CASP10: variants seen among roughly 807,000 people sequenced by gnomAD.
CASP10 encodes the protein caspase-10.
In CASP10, 41 loss-of-function variants were observed where a neutral mutation model predicts 48.5. The observed-to-expected ratio is 0.85, with a 90% CI of 0.66 to 1.10. The LOEUF (loss-of-function observed/expected upper bound fraction) is 1.10, where lower values mean the gene tolerates loss of function less well. CASP10 is among the 50% of genes least tolerant of loss of function. The probability of loss-of-function intolerance (pLI) is 0.00; values close to 1 mark genes in which losing one functional copy is unlikely to be tolerated. For missense variants in CASP10, 614 were observed against 614.5 expected, an observed-to-expected ratio of 1.00 and a Z score of 0.01; for synonymous variants, 232 against 238.4, an observed-to-expected ratio of 0.97 and a Z score of 0.25.
chr2:201,210,989 G>A (rs1052570023), intron 9 of CASP10, among the ~76,000 whole-genome samples: 3 of 151,994 alleles, frequency 2.0e-5, no homozygotes, highest in Admixed American at 2.0e-4. Context: ...ATATTTCAGG[G>A]TTATAATTTG....
At chr2:201,196,158 G>A in intron 5 of CASP10, 3 of 548,218 alleles carry the variant, frequency 5.5e-6, no homozygotes, top group South Asian at 4.2e-5. Context: ...GACACTAGCT[G>A]ACTAGTGAGA....
intron 5 of CASP10, among the ~76,000 whole-genome samples, chr2:201,199,597 C>CT (rs1198387635): frequency 1.1e-5 from 1 of 90,366 alleles, no homozygotes; most frequent in Non-Finnish European, 2.0e-5. Context: ...TTTTTTGAAA[C>CT]TGAGTCTCAC....
intron 9 of CASP10, chr2:201,228,901 G>T: frequency 1.2e-6 from 2 of 1,611,022 alleles, no homozygotes; most frequent in Non-Finnish European, 1.7e-6. Flanking sequence ...CTCAGTCAAA[G>T]TTCCCCTTTT....
In CASP10 at chr2:201,193,077, C is replaced by A; in HGVS notation, c.535C>A (p.Pro179Thr). The A allele has an allele frequency of 6.2e-7, 1 of 1,613,828 alleles. No individual in the cohort carries two copies. Among genetic ancestry groups the A allele is most frequent in the South Asian group, 1.1e-5 (1 of 91,072 alleles). ...GGAGGACCTCTGCAAAACAGTTGTA[C>A]CTAAACTTTTGAGAAACATAGAGAA... is the stretch of plus-strand genomic sequence containing the variant. ...CLEDLCKTVV[P>T]KLLRNIEKYK... The change falls in exon 4 of 10, where the codon CCT becomes ACT. Residue 179 changes from proline to threonine, a missense_variant. Transcript: ENST00000286186.
chr2:201,228,017 T>C (rs1945811032), intron 9 of CASP10, among the ~76,000 whole-genome samples: 1 of 152,112 alleles, frequency 6.6e-6, no homozygotes, highest in African/African-American at 2.4e-5. Context: ...AAGGCTGCTA[T>C]TTCACCATTT....
intron 5 of CASP10, among the ~76,000 whole-genome samples, chr2:201,198,200 G>GT: frequency 6.7e-6 from 1 of 149,966 alleles, no homozygotes; most frequent in Non-Finnish European, 1.5e-5. Context: ...TAATTCGGTT[G>GT]TTTGTAGAAG....
chr2:201,205,110 A>G (rs1351964587), intron 6 of CASP10, among the ~76,000 whole-genome samples: 1 of 152,154 alleles, frequency 6.6e-6, no homozygotes, highest in Non-Finnish European at 1.5e-5. Context: ...TCTCTCTGTG[A>G]TAGAGTCTTT....
In CASP10 at chr2:201,221,214, T is replaced by G. The variant is rs886055430; in HGVS notation, c.*3473T>G. The G allele has an allele frequency of 1.0e-6, 1 of 985,304 alleles. No homozygotes were observed. Among genetic ancestry groups the G allele is most frequent in the Non-Finnish European group, 1.2e-6 (1 of 829,938 alleles). The allele number at this position is 985,304 out of a possible 1,614,324, so 61.0% of individuals were successfully genotyped here. A position where few individuals can be genotyped will look rare whatever the true frequency, so the allele number is the denominator to read the frequency against. On this transcript the variant is annotated 3_prime_UTR_variant, in exon 10 of 10. Coordinates refer to ENST00000286186, the MANE Select transcript of CASP10 (RefSeq NM_032977.4). ...ACATACTCTGAGTAAGATCTAATTC[T>G]TCCCTCACTGGTTCGTGATGTCTAC...
rs6753900 is a variant in CASP10 at position 201,209,067 on chromosome 2, C to T, written c.923-3C>T. Reference sequence around the variant, plus strand: ...TTTTTTTTTTTTTTTTGTTTTTAAACAGAGATCCTGAGTCATGTGTTCCAG... The same window carrying T: ...TTTTTTTTTTTTTTTTGTTTTTAAATAGAGATCCTGAGTCATGTGTTCCAG... On this transcript the variant is annotated splice_region_variant and splice_polypyrimidine_tract_variant and intron_variant, in intron 8 of 9. Coordinates refer to ENST00000286186, the MANE Select transcript of CASP10 (RefSeq NM_032977.4). 0.012 allele frequency: 16,819 copies of T among 1,372,936 alleles called. 1,590 individuals carry two copies. The African/African-American group carries it at 0.22, about 18-fold the overall frequency. The allele number at this position is 1,372,936 out of a possible 1,614,324, so 85.0% of individuals were successfully genotyped here.
At chr2:201,208,824 G>T (rs779579830) in intron 8 of CASP10, among the ~76,000 whole-genome samples, 7 of 152,026 alleles carry the variant, frequency 4.6e-5, no homozygotes, top group Non-Finnish European at 8.8e-5. Flanking sequence ...GATTACAGGC[G>T]TGAGCCACCA....
intron 4 of CASP10, chr2:201,193,410 G>C: frequency 2.8e-6 from 1 of 357,110 alleles, no homozygotes; most frequent in East Asian, 7.2e-5. Flanking sequence ...GTTTCACTAT[G>C]TTGGCCAGGC....
At chr2:201,206,467 A>G (rs936591736) in intron 7 of CASP10, among the ~76,000 whole-genome samples, 8 of 150,030 alleles carry the variant, frequency 5.3e-5, no homozygotes, top group Non-Finnish European at 1.2e-4. Flanking sequence ...AATTTTAAAA[A>G]TTGAATATAC....
At chr2:201,206,481 C>T (rs1038858807) in intron 7 of CASP10, among the ~76,000 whole-genome samples, 2 of 148,622 alleles carry the variant, frequency 1.3e-5, no homozygotes, top group Non-Finnish European at 3.0e-5. Context: ...AATATACAGC[C>T]ATCTTTATAT....
At chr2:201,200,001 T>G in intron 5 of CASP10, among the ~76,000 whole-genome samples, 1 of 152,190 alleles carries the variant, frequency 6.6e-6, no homozygotes, top group South Asian at 2.1e-4. Context: ...TTCCTTATCT[T>G]TGGTACATGT....
At chr2:201,223,757 T>TC (rs1463897078), downstream of CASP10, among the ~76,000 whole-genome samples, 1 of 152,204 alleles carries the variant, frequency 6.6e-6, no homozygotes, top group African/African-American at 2.4e-5. Context: ...AACACATTTG[T>TC]ATCTTTGAAT....
Position 201,218,050 on chromosome 2 carries a change from A to G in CASP10, c.*309A>G, listed in dbSNP as rs1022228173. 2 of 744,282 alleles carry G rather than the reference A, an allele frequency of 2.7e-6. No individual in the cohort carries two copies. The highest frequency in any genetic ancestry group is 3.8e-6 in the Non-Finnish European group (2 of 532,096). The allele number at this position is 744,282 out of a possible 1,614,324, so 46.1% of individuals were successfully genotyped here. On this transcript the variant is annotated 3_prime_UTR_variant, in exon 10 of 10. Coordinates refer to ENST00000286186, the MANE Select transcript of CASP10 (RefSeq NM_032977.4). ...CGCCTCAGCTTCCCAAGTAGCTGGG[A>G]CCACAGGTGTGTACCACCGTGCCCG...
intron 9 of CASP10, among the ~76,000 whole-genome samples, chr2:201,211,712 G>A (rs943428548): frequency 6.6e-6 from 1 of 152,036 alleles, no homozygotes; most frequent in Non-Finnish European, 1.5e-5. Flanking sequence ...CATATTGATT[G>A]CATTTTCTTT....
Position 201,202,155 on chromosome 2 carries a change from C to T in CASP10, c.685-1575C>T, listed in dbSNP as rs1046357239. 3.9e-5 allele frequency among the ~76,000 whole-genome samples: 6 copies of T among 152,244 alleles called. 1 individual carries two copies. Among genetic ancestry groups the T allele is most frequent in the Non-Finnish European group, 5.9e-5 (4 of 68,010 alleles). On this transcript the variant is annotated intron_variant, in intron 5 of 9. Transcript: ENST00000286186. ...CGTGAGCCACCGTACCCGGCCAAAT[C>T]GATTTTTTTGAGTGTGGCATAAGGT...
intron 7 of CASP10, 140 bp from the exon 8 acceptor site, chr2:201,207,935 A>G: frequency 1.4e-6 from 1 of 696,794 alleles, no homozygotes; most frequent in Non-Finnish European, 2.6e-6. Context: ...AACAACAACA[A>G]CAAAAACATG....
Sources: gnomAD v4.1 joint callset for allele counts (sites outside exome capture counted in the v4.1 genomes callset) on GRCh38, gnomAD v4.1.1 for gene constraint, MANE v1.5 for transcripts, NCBI Gene and HGNC (gene_info 2026-07-23, HGNC 2026-07-21) for gene names.